EXPH5: variants seen among roughly 807,000 people sequenced by gnomAD.
EXPH5 encodes the protein exophilin-5.
In EXPH5, 42 loss-of-function variants were observed where a neutral mutation model predicts 41.1. The observed-to-expected ratio is 1.02, with a 90% CI of 0.80 to 1.32. EXPH5 has a LOEUF of 1.32. Ranked by LOEUF, EXPH5 falls within the 40% of genes most tolerant of loss-of-function variation. EXPH5 has a pLI of 0.00. For synonymous variants in EXPH5, 798 were observed against 833.5 expected (o/e 0.96, Z 0.73); for missense variants, 2,298 against 2,314.5 (o/e 0.99, Z 0.15).
At chr11:108,564,449 T>A (rs1294388971) in intron 1 of EXPH5, among the ~76,000 whole-genome samples, 1 of 152,248 alleles carries the variant, frequency 6.6e-6, no homozygotes, top group Non-Finnish European at 1.5e-5. Flanking sequence ...GTTTCCCACT[T>A]AGCATTACAT....
At chr11:108,594,058 C>G (rs2094135065), upstream of EXPH5, among the ~76,000 whole-genome samples, 1 of 152,206 alleles carries the variant, frequency 6.6e-6, no homozygotes, top group Admixed American at 6.5e-5. Flanking sequence ...AGATTCATGA[C>G]TAATCCTCCC....
chr11:108,510,021 G>A lies in EXPH5; in HGVS notation c.5486C>T (p.Ala1829Val), dbSNP rs1280536809. The A allele has an allele frequency of 6.2e-7, 1 of 1,613,632 alleles. No homozygotes were observed. The highest frequency in any genetic ancestry group is 1.7e-5 in the Admixed American group (1 of 59,934). ...HFSESTSIDN[A>V]LSRLTLGNEF... ...ATTCCCAAGGGTCAGTCGACTCAGGGCATTGTCAATAGAAGTGCTTTCAGA... is the reference window on the plus strand; with the variant it reads ...ATTCCCAAGGGTCAGTCGACTCAGGACATTGTCAATAGAAGTGCTTTCAGA... The change falls in exon 6 of 6, where the codon GCC becomes GTC. Residue 1829 changes from alanine (A) to valine (V), a missense_variant. Transcript: ENST00000265843.
intron 1 of EXPH5, among the ~76,000 whole-genome samples, chr11:108,581,165 G>C (rs143161220): frequency 1.3e-5 from 2 of 152,048 alleles, no homozygotes; most frequent in Non-Finnish European, 2.9e-5. Context: ...TTAGCCAGGC[G>C]TGGTGGTGAG....
Position 108,514,793 on chromosome 11 carries a change from TG to T in EXPH5, c.713del (p.Ser238Ter). On this transcript the variant is annotated frameshift_variant, in exon 6 of 6. Transcript: ENST00000265843. LOFTEE classifies it low-confidence loss of function (END_TRUNC). The part of the protein sequence containing the change: ...VNTRTPLNYG[S>X]RTQFGHFYSS... ...AATAAAAGTGACCGAACTGTGTTCTTGATCCATAGTTGAGGGGTGTTCTGGT... is the reference window on the plus strand; with the variant it reads ...AATAAAAGTGACCGAACTGTGTTCTTATCCATAGTTGAGGGGTGTTCTGGT... 4 of 1,605,074 alleles carry T rather than the reference TG, an allele frequency of 2.5e-6. No individual in the cohort carries two copies. The highest frequency in any genetic ancestry group is 3.4e-6 in the Non-Finnish European group (4 of 1,176,906).
intron 1 of EXPH5, among the ~76,000 whole-genome samples, chr11:108,586,840 T>C (rs1194861492): frequency 6.6e-6 from 1 of 151,938 alleles, no homozygotes; most frequent in Admixed American, 6.6e-5. Context: ...CTGGCTCCTG[T>C]GATCTGTTAA....
chr11:108,515,848 G>A (rs1322863179), intron 5 of EXPH5, among the ~76,000 whole-genome samples: 4 of 151,992 alleles, frequency 2.6e-5, no homozygotes, highest in Non-Finnish European at 2.9e-5. Context: ...CGAGGCGGGC[G>A]GATCACGAGG....
chr11:108,542,520 T>A (rs1446221265), intron 1 of EXPH5, among the ~76,000 whole-genome samples: 1 of 152,198 alleles, frequency 6.6e-6, no homozygotes. Flanking sequence ...ATATTCTCGT[T>A]CTGATTACTC....
At chr11:108,576,793 G>A (rs957077750) in intron 1 of EXPH5, among the ~76,000 whole-genome samples, 31 of 151,880 alleles carry the variant, frequency 2.0e-4, no homozygotes, top group Non-Finnish European at 2.8e-4. Flanking sequence ...TTATAAACTC[G>A]TTTCCTTATT....
rs17108127 is a variant in EXPH5 at position 108,513,973 on chromosome 11, T to A, written c.1534A>T (p.Met512Leu). Reference sequence around the variant, plus strand: ...ATGGCTGATACACTATTTGCTTCCATGGAAATCATTTCAAAGTCTCTGTCA... The same window carrying A: ...ATGGCTGATACACTATTTGCTTCCAAGGAAATCATTTCAAAGTCTCTGTCA... The part of the protein sequence containing the change: ...SSDRDFEMIS[M>L]EANSVSAIHG... Residue 512 changes from methionine (M) to leucine (L), a missense_variant, in exon 6 of 6, where the codon ATG (methionine) becomes TTG (leucine). Physicochemically the swap from Met to Leu is conservative, Grantham distance 15 (BLOSUM62 2). Coordinates refer to ENST00000265843, the MANE Select transcript of EXPH5 (RefSeq NM_015065.3). The A allele has an allele frequency of 4.5e-3, 7,211 of 1,610,084 alleles. 198 individuals are homozygous for A. In the African/African-American group the frequency reaches 0.069, roughly 15 times the overall value.
intron 4 of EXPH5, among the ~76,000 whole-genome samples, chr11:108,523,428 C>T (rs934679829): frequency 1.4e-4 from 21 of 151,734 alleles, no homozygotes; most frequent in Non-Finnish European, 2.9e-5. Context: ...TTTTTTTTAC[C>T]GTTATTTCAC....
the EXPH5 span, among the ~76,000 whole-genome samples, chr11:108,606,219 C>A: frequency 6.6e-6 from 1 of 152,152 alleles, no homozygotes; most frequent in East Asian, 1.9e-4. Flanking sequence ...ACACCAAATC[C>A]CCAAACTGCC....
intron 3 of EXPH5, among the ~76,000 whole-genome samples, chr11:108,531,551 A>G (rs1282848938): frequency 6.6e-6 from 1 of 152,204 alleles, no homozygotes; most frequent in Non-Finnish European, 1.5e-5. Flanking sequence ...CCACTCTTCC[A>G]CAGGTACTCT....
chr11:108,582,814 C>A (rs946983046), intron 1 of EXPH5, among the ~76,000 whole-genome samples: 1 of 152,184 alleles, frequency 6.6e-6, no homozygotes, highest in South Asian at 2.1e-4. Context: ...CTTGTGGCAG[C>A]GTTACTCCTG....
chr11:108,509,438 C>G lies in EXPH5; in HGVS notation c.*99G>C. ...GGGACATTTCAGAGCAGACACTGCC[C>G]AGACTAGATCTTTTATCCTTCCATG... On this transcript the variant is annotated 3_prime_UTR_variant, in exon 6 of 6. Transcript: ENST00000265843. The G allele has an allele frequency of 1.7e-6, 2 of 1,186,750 alleles. No homozygotes were observed. The highest frequency in any genetic ancestry group is 3.4e-5 in the South Asian group (2 of 58,922). The allele number at this position is 1,186,750 out of a possible 1,614,324, so 73.5% of individuals were successfully genotyped here.
intron 1 of EXPH5, among the ~76,000 whole-genome samples, chr11:108,570,227 A>ATTTTTATTATT (rs149997980): frequency 0.52 from 78,050 of 151,012 alleles, 20,563 homozygotes; most frequent in African/African-American, 0.61. Context: ...AGCATTTTTA[A>ATTTTTATTATT]TTTTTATTAT....
Position 108,518,333 on chromosome 11 carries a change from A to T in EXPH5, c.533T>A (p.Val178Asp), listed in dbSNP as rs2093741063. The stretch of plus-strand genomic sequence containing the variant: ...TGGCTTTGGGACAAATGTACTGTCA[A>T]CTAGATGATTTTCCAGAGGTGAATT... ...IYNSPLENHL[V>D]DSTFVPKPAV... Residue 178 changes from valine to aspartate, a missense_variant, in exon 5 of 6, where the codon GTT becomes GAT. Physicochemically the swap from Val to Asp is radical, Grantham distance 152. Transcript: ENST00000265843. The T allele has an allele frequency of 2.5e-6, 4 of 1,613,940 alleles. No individual in the cohort carries two copies. The highest frequency in any genetic ancestry group is 1.7e-5 in the Admixed American group (1 of 59,990).
chr11:108,519,527 A>G (rs771881040), intron 4 of EXPH5, among the ~76,000 whole-genome samples: 1 of 152,132 alleles, frequency 6.6e-6, no homozygotes, highest in Non-Finnish European at 1.5e-5. Context: ...TAGGCAGATC[A>G]CTTGAGGCCA....
chr11:108,551,463 A>C (rs2093964514), intron 1 of EXPH5, among the ~76,000 whole-genome samples: 1 of 152,164 alleles, frequency 6.6e-6, no homozygotes, highest in Non-Finnish European at 1.5e-5. Context: ...CCTCTTGCCA[A>C]AGGCATCCAT....
In EXPH5 at chr11:108,510,883, G is replaced by A. The variant is rs763975244; in HGVS notation, c.4624C>T (p.Gln1542Ter). ...SLQSEPRELP[Q>*]RSQEANMTES... ...GTCATATTTGCCTCCTGACTTCTTTGAGGTAATTCTCTTGGTTCAGACTGC... is the reference window on the plus strand; with the variant it reads ...GTCATATTTGCCTCCTGACTTCTTTAAGGTAATTCTCTTGGTTCAGACTGC... The change falls in exon 6 of 6, where the codon CAA becomes TAA. Residue 1542 changes from glutamine to a stop codon, truncating the protein, a stop_gained. Coordinates refer to ENST00000265843, the MANE Select transcript of EXPH5 (RefSeq NM_015065.3). LOFTEE classifies it low-confidence loss of function (END_TRUNC). 3 of 1,614,024 alleles carry A rather than the reference G, an allele frequency of 1.9e-6. No individual in the cohort carries two copies. The African/African-American group carries it at 4.0e-5, about 22-fold the overall frequency.
Sources: gnomAD v4.1 joint callset for allele counts (sites outside exome capture counted in the v4.1 genomes callset) on GRCh38, gnomAD v4.1.1 for gene constraint, MANE v1.5 for transcripts, NCBI Gene and HGNC (gene_info 2026-07-23, HGNC 2026-07-21) for gene names.